Variants in PPARGC1B observed in about 807,000 individuals in gnomAD.
The protein encoded by PPARGC1B is peroxisome proliferator-activated receptor gamma coactivator 1-beta.
A neutral mutation model predicts 101.6 loss-of-function variants in PPARGC1B; 34 were observed. That is an observed-to-expected ratio of 0.33 (90% CI 0.25 to 0.45). The LOEUF is 0.45. PPARGC1B is among the 20% of genes least tolerant of loss of function. The pLI, the probability that PPARGC1B is intolerant of heterozygous loss-of-function variation, is 1.00. For synonymous variants in PPARGC1B, 548 were observed against 539.3 expected, an observed-to-expected ratio of 1.02 and a Z score of -0.22; for missense variants, 1,234 against 1,317.6, an observed-to-expected ratio of 0.94 and a Z score of 0.98.
chr5:149,769,188 G>A (rs1029498309), intron 1 of PPARGC1B, among the ~76,000 whole-genome samples: 2 of 152,218 alleles, frequency 1.3e-5, no homozygotes, highest in African/African-American at 2.4e-5. Flanking sequence ...ATCTAATGCC[G>A]CTGCTGATCT....
chr5:149,749,052 A>T (rs1456186217), intron 1 of PPARGC1B, among the ~76,000 whole-genome samples: 3 of 151,746 alleles, frequency 2.0e-5, no homozygotes, highest in Admixed American at 1.3e-4. Flanking sequence ...TGTGTTAAGG[A>T]TTGACACAAA....
At chr5:149,744,908 C>CA (rs1554131511) in intron 1 of PPARGC1B, among the ~76,000 whole-genome samples, 2 of 132,942 alleles carry the variant, frequency 1.5e-5, no homozygotes, top group Non-Finnish European at 3.2e-5. Flanking sequence ...AGCTTTGTGA[C>CA]TTTTTTTTTT....
intron 1 of PPARGC1B, among the ~76,000 whole-genome samples, chr5:149,750,523 C>G (rs954081034): frequency 2.3e-4 from 34 of 145,870 alleles, no homozygotes; most frequent in Non-Finnish European, 1.5e-5. Flanking sequence ...AGTGAATACT[C>G]AGATACCCCA....
Position 149,737,863 on chromosome 5 carries a change from G to A in PPARGC1B, c.78+7443G>A, listed in dbSNP as rs776247667. Among the ~76,000 whole-genome samples the A allele has an allele frequency of 5.9e-5, 9 of 152,050 alleles. No homozygotes were observed. The East Asian group carries it at 7.7e-4, about 13-fold the overall frequency. ...ACAAAAATTAGCCGGGCATGGTGGC[G>A]CATGCCTGTATTCCCAGCTACTTGG... On this transcript the variant is annotated intron_variant, in intron 1 of 11. Coordinates refer to ENST00000309241, the MANE Select transcript of PPARGC1B (RefSeq NM_133263.4).
In PPARGC1B at chr5:149,823,750, C is replaced by T. The variant is rs187003678; in HGVS notation, c.253-2923C>T. Among the ~76,000 whole-genome samples the T allele has an allele frequency of 1.7e-4, 26 of 152,204 alleles. 1 individual carries two copies. The highest frequency in any genetic ancestry group is 5.8e-4 in the African/African-American group (24 of 41,530). ...GTCAGGCTCAGAGCTTCCTGCCCCACCTGGCTGTTTCAGTGGAGTAGGGTG... is the reference window on the plus strand; with the variant it reads ...GTCAGGCTCAGAGCTTCCTGCCCCATCTGGCTGTTTCAGTGGAGTAGGGTG... On this transcript the variant is annotated intron_variant, in intron 2 of 11. Coordinates refer to ENST00000309241, the MANE Select transcript of PPARGC1B (RefSeq NM_133263.4).
chr5:149,787,427 A>G (rs1756853052), intron 1 of PPARGC1B, among the ~76,000 whole-genome samples: 1 of 152,226 alleles, frequency 6.6e-6, no homozygotes, highest in South Asian at 2.1e-4. Flanking sequence ...GAACCTCTCC[A>G]CTTTTATATT....
At chr5:149,842,064 A>G (rs1759363267) in intron 9 of PPARGC1B, among the ~76,000 whole-genome samples, 192 bp from the exon 10 acceptor site, 2 of 152,242 alleles carry the variant, frequency 1.3e-5, no homozygotes, top group South Asian at 4.1e-4. Context: ...CTTCCCTTCC[A>G]ACACCCTCCC....
rs1275348776 is a variant in PPARGC1B at position 149,847,792 on chromosome 5, T to C, written c.*234T>C. 1 of 529,554 alleles carries C rather than the reference T, an allele frequency of 1.9e-6. No homozygotes were observed. 32.8% of individuals were successfully genotyped at this position (529,554 alleles called of 1,614,324 possible). ...TGTTGACGTTCCACTGCCACATTAGTGTCCTCGCTTCCAACGGGTTGTCCC... is the reference window on the plus strand; with the variant it reads ...TGTTGACGTTCCACTGCCACATTAGCGTCCTCGCTTCCAACGGGTTGTCCC... On this transcript the variant is annotated 3_prime_UTR_variant, in exon 12 of 12. Transcript: ENST00000309241.
At chr5:149,792,169 G>A (rs1757044579) in intron 1 of PPARGC1B, among the ~76,000 whole-genome samples, 1 of 152,170 alleles carries the variant, frequency 6.6e-6, no homozygotes, top group Non-Finnish European at 1.5e-5. Context: ...CAGGATGTTT[G>A]GAATCAAGGG....
chr5:149,841,549 G>T (rs541906169), intron 9 of PPARGC1B, among the ~76,000 whole-genome samples: 2 of 152,328 alleles, frequency 1.3e-5, no homozygotes, highest in East Asian at 3.9e-4. Flanking sequence ...AAGAAACTGT[G>T]TGTTTTTCCT....
chr5:149,730,328 A>G lies in PPARGC1B; in HGVS notation c.-15A>G. 1 of 1,549,254 alleles carries G rather than the reference A, an allele frequency of 6.5e-7. No homozygotes were observed. The highest frequency in any genetic ancestry group is 1.2e-5 in the South Asian group (1 of 82,614). On this transcript the variant is annotated 5_prime_UTR_variant, in exon 1 of 12. Coordinates refer to ENST00000309241, the MANE Select transcript of PPARGC1B (RefSeq NM_133263.4). The surrounding 1 kb of genome is among the most constrained non-coding windows in gnomAD (Gnocchi z 4.0). ...CGGCGTTGACTCCGCCGCACGCTGCAGCCGCGGCTGGAAGATGGCGGGGAA... is the reference window on the plus strand; with the variant it reads ...CGGCGTTGACTCCGCCGCACGCTGCGGCCGCGGCTGGAAGATGGCGGGGAA...
intron 1 of PPARGC1B, among the ~76,000 whole-genome samples, chr5:149,748,604 T>C (rs905889577): frequency 1.3e-5 from 2 of 151,966 alleles, no homozygotes; most frequent in East Asian, 3.9e-4. Context: ...CAAGACAACT[T>C]TTGCAGCAGA....
At chr5:149,785,739 C>T (rs1006906031) in intron 1 of PPARGC1B, among the ~76,000 whole-genome samples, 4 of 152,066 alleles carry the variant, frequency 2.6e-5, no homozygotes, top group African/African-American at 9.7e-5. Flanking sequence ...TGTAGGTTAG[C>T]GTTGTGACTG....
intron 2 of PPARGC1B, among the ~76,000 whole-genome samples, chr5:149,825,435 G>A (rs984136900): frequency 6.6e-6 from 1 of 152,224 alleles, no homozygotes; most frequent in African/African-American, 2.4e-5. Flanking sequence ...CTGTGCCTCT[G>A]GCCTTTGATT....
At chr5:149,815,110 A>G (rs144664277) in intron 1 of PPARGC1B, among the ~76,000 whole-genome samples, 1 of 152,314 alleles carries the variant, frequency 6.6e-6, no homozygotes, top group African/African-American at 2.4e-5. Context: ...CTGGCTTCAC[A>G]GGGAGAGAAG....
Position 149,854,581 on chromosome 5 carries a change from T to A in PPARGC1B, c.*7023T>A, listed in dbSNP as rs1759893051. The A allele has an allele frequency of 1.3e-5, 2 of 152,162 alleles. No individual in the cohort carries two copies. The highest frequency in any genetic ancestry group is 4.8e-5 in the African/African-American group (2 of 41,434). The allele number at this position is 152,162 out of a possible 1,614,324, so 9.4% of individuals were successfully genotyped here. On this transcript the variant is annotated 3_prime_UTR_variant, in exon 12 of 12. Coordinates refer to ENST00000309241, the MANE Select transcript of PPARGC1B (RefSeq NM_133263.4). Reference sequence around the variant, plus strand: ...ATTTTTTTTAATTGGTAGAGGATTTTTATATATTTTTTCCATTTTGTTGGG... The same window carrying A: ...ATTTTTTTTAATTGGTAGAGGATTTATATATATTTTTTCCATTTTGTTGGG...
rs548181037 is a variant in PPARGC1B at position 149,741,272 on chromosome 5, C to T, written c.78+10852C>T. On this transcript the variant is annotated intron_variant, in intron 1 of 11. Transcript: ENST00000309241. ...CAGTTGCAGCAGCCGGCCCACGAGT[C>T]GCTCCCTGATGTTGCCATGGCAAAC... Among the ~76,000 whole-genome samples, 13 of 152,328 alleles carry T rather than the reference C, an allele frequency of 8.5e-5. No homozygotes were observed. In the East Asian group the frequency reaches 1.9e-3, roughly 23 times the overall value.
intron 1 of PPARGC1B, among the ~76,000 whole-genome samples, chr5:149,774,942 G>A (rs1388184445): frequency 6.6e-6 from 1 of 152,150 alleles, no homozygotes; most frequent in African/African-American, 2.4e-5. Flanking sequence ...GCTCATCTGG[G>A]ACTCAGTGGA....
chr5:149,788,371 AT>A (rs1756887297), intron 1 of PPARGC1B, among the ~76,000 whole-genome samples: 1 of 152,238 alleles, frequency 6.6e-6, no homozygotes, highest in Admixed American at 6.5e-5. Flanking sequence ...CAAAACCAGA[AT>A]GAGATACTGT....
Sources: allele counts gnomAD v4.1 joint callset (sites outside exome capture counted in the v4.1 genomes callset), GRCh38; gene constraint gnomAD v4.1.1; non-coding constraint Gnocchi (gnomAD v3.1); transcripts MANE v1.5; gene names NCBI Gene and HGNC (gene_info 2026-07-23, HGNC 2026-07-21).